SLC2A9: variants seen among roughly 807,000 people sequenced by gnomAD.
SLC2A9 encodes the protein solute carrier family 2 member 9.
SLC2A9 carries 39 observed loss-of-function variants against 50.6 expected under a neutral mutation model. The observed-to-expected ratio is 0.77, with a 90% CI of 0.60 to 1.01. The LOEUF (loss-of-function observed/expected upper bound fraction) is 1.01. Ranked by LOEUF, SLC2A9 falls within the 50% of genes least tolerant of loss-of-function variation. The pLI is 0.00. For missense variants in SLC2A9, 686 were observed against 677.6 expected (o/e 1.01, Z -0.14); for synonymous variants, 324 against 276.9 (o/e 1.17, Z -1.69).
chr4:9,874,569 G>T (rs886732204), intron 10 of SLC2A9, among the ~76,000 whole-genome samples: 1 of 152,220 alleles, frequency 6.6e-6, no homozygotes, highest in Non-Finnish European at 1.5e-5. Flanking sequence ...TCTGGAGAAC[G>T]GAGTGCACAT....
intron 10 of SLC2A9, among the ~76,000 whole-genome samples, chr4:9,838,986 A>G (rs1036372596): frequency 3.9e-5 from 6 of 152,258 alleles, no homozygotes; most frequent in African/African-American, 1.4e-4. Flanking sequence ...TTGCAACAAA[A>G]GCAAAAATTG....
chr4:9,952,535 TC>T (rs1364741061), intron 5 of SLC2A9, among the ~76,000 whole-genome samples: 70 of 76,330 alleles, frequency 9.2e-4, no homozygotes, highest in Admixed American at 1.9e-3. Flanking sequence ...GATCTGTCTG[TC>T]TTTTTTTTTT....
intron 5 of SLC2A9, among the ~76,000 whole-genome samples, chr4:9,948,844 C>G (rs1287476704): frequency 1.3e-5 from 2 of 152,232 alleles, no homozygotes; most frequent in Admixed American, 6.5e-5. Context: ...ATCTCAGGGT[C>G]TCTTTTCTGG....
chr4:9,978,033 A>G (rs769072546), intron 5 of SLC2A9, among the ~76,000 whole-genome samples: 3 of 152,240 alleles, frequency 2.0e-5, no homozygotes, highest in African/African-American at 4.8e-5. Context: ...TGGGAGAGGC[A>G]CAGGTGCACG....
chr4:10,009,943 C>T (rs1368474667), intron 2 of SLC2A9, among the ~76,000 whole-genome samples: 1 of 152,200 alleles, frequency 6.6e-6, no homozygotes, highest in African/African-American at 2.4e-5. Flanking sequence ...GTCCCTGGTT[C>T]TTGGGATGTA....
At chr4:9,946,050 C>T (rs1416515724) in intron 5 of SLC2A9, among the ~76,000 whole-genome samples, 2 of 152,184 alleles carry the variant, frequency 1.3e-5, no homozygotes, top group African/African-American at 2.4e-5. Context: ...CAAACGACAA[C>T]CTCAAAGATG....
chr4:9,984,125 A>T (rs1756326607), intron 4 of SLC2A9, among the ~76,000 whole-genome samples: 1 of 152,252 alleles, frequency 6.6e-6, no homozygotes, highest in Admixed American at 6.5e-5. Flanking sequence ...AGTAGTATAG[A>T]CAAATGAATA....
chr4:9,913,324 TGTGTGTGAGAGAGAGAGA>T (rs1266206946), intron 7 of SLC2A9, among the ~76,000 whole-genome samples: 2 of 129,526 alleles, frequency 1.5e-5, no homozygotes, highest in African/African-American at 3.2e-5. Context: ...TGTGTGTGTG[TGTGTGTGAGAGAGAGAGA>T]GAGAGAGAGA....
intron 10 of SLC2A9, among the ~76,000 whole-genome samples, chr4:9,866,581 C>A (rs539574344): frequency 6.6e-6 from 1 of 152,240 alleles, no homozygotes; most frequent in African/African-American, 2.4e-5. Context: ...TCAGTGACAA[C>A]CCGAGAACTG....
chr4:9,979,539 G>C (rs1215983349), intron 5 of SLC2A9, among the ~76,000 whole-genome samples: 1 of 152,126 alleles, frequency 6.6e-6, no homozygotes, highest in African/African-American at 2.4e-5. Context: ...ATCCTAGCAA[G>C]TCCAGTGGCC....
At chr4:9,870,263 A>G (rs1451588707) in intron 10 of SLC2A9, among the ~76,000 whole-genome samples, 1 of 152,256 alleles carries the variant, frequency 6.6e-6, no homozygotes, top group East Asian at 1.9e-4. Flanking sequence ...ATACAGCCCA[A>G]CAGAGGACTG....
chr4:9,805,821 T>C (rs1270331643), intron 3 of SLC2A9, among the ~76,000 whole-genome samples: 2 of 152,170 alleles, frequency 1.3e-5, no homozygotes, highest in African/African-American at 4.8e-5. Context: ...GTGTGCTTAT[T>C]AAGTGCTGGG....
intron 7 of SLC2A9, among the ~76,000 whole-genome samples, chr4:9,918,113 G>T (rs904738853): frequency 1.3e-5 from 2 of 152,124 alleles, no homozygotes; most frequent in African/African-American, 4.8e-5. Context: ...GGGGCTGTTT[G>T]GGGCTTGAAT....
At chr4:9,880,262 G>A (rs922081341) in intron 10 of SLC2A9, 2 of 985,378 alleles carry the variant, frequency 2.0e-6, no homozygotes, top group Non-Finnish European at 2.4e-6. Flanking sequence ...CTAAACCCTG[G>A]TCCATCTTGT....
At chr4:9,870,318 A>G (rs1733203987) in intron 10 of SLC2A9, among the ~76,000 whole-genome samples, 1 of 152,222 alleles carries the variant, frequency 6.6e-6, no homozygotes. Context: ...TAAGTGACAA[A>G]TTCCTCAGCT....
intron 1 of SLC2A9, chr4:10,029,266 T>TG (rs1763853201): frequency 6.6e-6 from 1 of 152,232 alleles, no homozygotes; most frequent in South Asian, 2.1e-4. Flanking sequence ...TCTCATTTAA[T>TG]GGATCTGAGA....
chr4:9,815,605 A>G (rs1212977664), intron 3 of SLC2A9, among the ~76,000 whole-genome samples: 2 of 152,210 alleles, frequency 1.3e-5, no homozygotes, highest in African/African-American at 4.8e-5. Context: ...GCCTGTCACT[A>G]CATTTGCATG....
chr4:9,917,680 A>T (rs1228967646), intron 7 of SLC2A9, among the ~76,000 whole-genome samples: 1 of 152,168 alleles, frequency 6.6e-6, no homozygotes, highest in Non-Finnish European at 1.5e-5. Flanking sequence ...TCAGCTCCTT[A>T]GCATAAATAT....
intron 5 of SLC2A9, among the ~76,000 whole-genome samples, chr4:9,970,535 G>T (rs892968245): frequency 6.6e-6 from 1 of 152,164 alleles, no homozygotes; most frequent in Non-Finnish European, 1.5e-5. Flanking sequence ...CTTATAGCCT[G>T]TGGCAGTTTT....
Sources: allele counts gnomAD v4.1 joint callset (sites outside exome capture counted in the v4.1 genomes callset), GRCh38; gene constraint gnomAD v4.1.1; transcripts MANE v1.5; gene names NCBI Gene and HGNC (gene_info 2026-07-23, HGNC 2026-07-21).